SERGEF: variants seen among roughly 807,000 people sequenced by gnomAD.
The protein encoded by SERGEF is secretion-regulating guanine nucleotide exchange factor.
A neutral mutation model predicts 50.0 loss-of-function variants in SERGEF; 51 were observed. The observed-to-expected ratio is 1.02, with a 90% confidence interval of 0.81 to 1.29. The LOEUF (loss-of-function observed/expected upper bound fraction) is 1.29, where lower values mean the gene tolerates loss of function less well. SERGEF is among the 50% of genes most tolerant of loss of function. The probability of loss-of-function intolerance (pLI) is 0.00; values close to 1 mark genes in which losing one functional copy is unlikely to be tolerated. For missense variants in SERGEF, 521 were observed against 557.0 expected (o/e 0.94, Z 0.65); for synonymous variants, 205 against 212.4 (o/e 0.97, Z 0.30).
intron 9 of SERGEF, among the ~76,000 whole-genome samples, chr11:17,886,607 C>T (rs1225910221): frequency 6.6e-6 from 1 of 151,744 alleles, no homozygotes; most frequent in Non-Finnish European, 1.5e-5. Context: ...GTACTAAAAG[C>T]GAGACTAAAA....
chr11:17,882,612 A>G (rs1851356213), intron 9 of SERGEF, among the ~76,000 whole-genome samples: 2 of 152,088 alleles, frequency 1.3e-5, no homozygotes, highest in African/African-American at 4.8e-5. Context: ...TCAGACATCT[A>G]GAAGACTGCC....
chr11:17,848,766 T>C (rs1230083997), intron 10 of SERGEF, among the ~76,000 whole-genome samples: 2 of 152,200 alleles, frequency 1.3e-5, no homozygotes, highest in Non-Finnish European at 1.5e-5. Flanking sequence ...TTAAGATCTT[T>C]CCTTAGAGAA....
At chr11:17,846,153 G>A (rs1254778244) in intron 10 of SERGEF, among the ~76,000 whole-genome samples, 1 of 152,164 alleles carries the variant, frequency 6.6e-6, no homozygotes, top group African/African-American at 2.4e-5. Flanking sequence ...AAGGTTGGTG[G>A]TGCCAGCAGC....
chr11:17,881,560 C>A (rs565045684), intron 9 of SERGEF, among the ~76,000 whole-genome samples: 1 of 152,232 alleles, frequency 6.6e-6, no homozygotes, highest in Non-Finnish European at 1.5e-5. Context: ...CACTGCTCAG[C>A]TGCAGGCAGC....
At chr11:17,918,813 A>T (rs1236651828) in intron 9 of SERGEF, 1 of 400,370 alleles carries the variant, frequency 2.5e-6, no homozygotes, top group South Asian at 1.9e-5. Context: ...TTAGGCAAAA[A>T]GCACTCCTGG....
chr11:17,889,263 T>C (rs964506860), intron 9 of SERGEF, among the ~76,000 whole-genome samples: 26 of 152,190 alleles, frequency 1.7e-4, no homozygotes, highest in Non-Finnish European at 3.7e-4. Flanking sequence ...TTACAAAGGA[T>C]AAATGGTAGC....
chr11:17,983,779 T>C (rs1590232997), intron 8 of SERGEF, among the ~76,000 whole-genome samples: 1 of 142,694 alleles, frequency 7.0e-6, no homozygotes, highest in African/African-American at 2.6e-5. Flanking sequence ...TAGTCAGCAA[T>C]GTCAAGAGAA....
At chr11:17,794,420 C>T (rs1849539477) in intron 10 of SERGEF, among the ~76,000 whole-genome samples, 1 of 151,934 alleles carries the variant, frequency 6.6e-6, no homozygotes, top group South Asian at 2.1e-4. Flanking sequence ...CGGCAACCCT[C>T]GGAGGTACTA....
chr11:17,903,049 T>A (rs1312705644), intron 9 of SERGEF, among the ~76,000 whole-genome samples: 1 of 152,252 alleles, frequency 6.6e-6, no homozygotes, highest in Non-Finnish European at 1.5e-5. Flanking sequence ...ACTCATAATT[T>A]ATTAGCTGGG....
intron 9 of SERGEF, among the ~76,000 whole-genome samples, chr11:17,918,070 T>C (rs1852081618): frequency 1.3e-5 from 2 of 152,204 alleles, no homozygotes; most frequent in Non-Finnish European, 1.5e-5. Context: ...CTCAAATCAG[T>C]AAAGTAACTT....
intron 10 of SERGEF, among the ~76,000 whole-genome samples, chr11:17,843,658 G>C (rs145878899): frequency 4.7e-4 from 71 of 152,298 alleles, no homozygotes; most frequent in African/African-American, 1.7e-3. Flanking sequence ...AAAGCCATGA[G>C]AGCCCATTCA....
At chr11:17,890,177 G>A (rs1851507087) in intron 9 of SERGEF, among the ~76,000 whole-genome samples, 1 of 152,170 alleles carries the variant, frequency 6.6e-6, no homozygotes, top group Admixed American at 6.5e-5. Context: ...GACAGCTGTG[G>A]CCTGGTGGGG....
intron 9 of SERGEF, among the ~76,000 whole-genome samples, chr11:17,957,861 A>G (rs1229160839): frequency 1.3e-5 from 2 of 152,202 alleles, no homozygotes; most frequent in Non-Finnish European, 2.9e-5. Context: ...TTTAAAGACC[A>G]AGAGGGAAAA....
At chr11:17,864,783 G>C (rs1850991386) in intron 10 of SERGEF, among the ~76,000 whole-genome samples, 2 of 152,148 alleles carry the variant, frequency 1.3e-5, no homozygotes, top group African/African-American at 4.8e-5. Context: ...TGAGAACCAG[G>C]CACCATCTCC....
rs139005134 is a variant in SERGEF, at chr11:17,959,510, C to T, written c.971G>A (p.Ser324Asn). 25 of 1,613,954 alleles carry T rather than the reference C, an allele frequency of 1.5e-5. No homozygotes were observed. The highest frequency in any genetic ancestry group is 2.0e-5 in the Non-Finnish European group (24 of 1,179,950). Residue 324 changes from serine (S) to asparagine (N), a missense_variant, in exon 9 of 11, where the codon AGC (serine) becomes AAC (asparagine). By Grantham distance (46) the Ser-to-Asn change is conservative. Transcript: ENST00000265965. ...TAAGCAATGCGGAGACGAAGGCATG[C>T]TGTTCGGTGGTCTTGAACAGGGGAG... Reference protein sequence around the residue: ...SFLPCSRPPNSMPSSPHCLTG... With the variant: ...SFLPCSRPPNNMPSSPHCLTG...
At chr11:17,951,635 C>A (rs920946082) in intron 9 of SERGEF, among the ~76,000 whole-genome samples, 3 of 152,160 alleles carry the variant, frequency 2.0e-5, no homozygotes, top group African/African-American at 7.2e-5. Flanking sequence ...CCAGTGATAC[C>A]CAAAGCCAGA....
chr11:17,856,017 G>A (rs564934063), intron 10 of SERGEF: 1 of 152,280 alleles, frequency 6.6e-6, no homozygotes, highest in South Asian at 2.1e-4. Context: ...CTCTAGAATG[G>A]ACAAAGGTTA....
chr11:17,816,649 G>T (rs912655607), intron 10 of SERGEF, among the ~76,000 whole-genome samples: 1 of 152,202 alleles, frequency 6.6e-6, no homozygotes, highest in Admixed American at 6.5e-5. Context: ...GACACCACTT[G>T]CTCCTGCTAG....
At chr11:17,997,475 T>C (rs1853860345) in intron 5 of SERGEF, among the ~76,000 whole-genome samples, 1 of 152,188 alleles carries the variant, frequency 6.6e-6, no homozygotes, top group African/African-American at 2.4e-5. Flanking sequence ...TGGTAGTTCC[T>C]CAGAAAATTA....
Sources: gnomAD v4.1 joint callset for allele counts (sites outside exome capture counted in the v4.1 genomes callset) on GRCh38, gnomAD v4.1.1 for gene constraint, MANE v1.5 for transcripts, NCBI Gene and HGNC (gene_info 2026-07-23, HGNC 2026-07-21) for gene names.